Variants in FSTL5 observed in about 807,000 individuals in gnomAD.
FSTL5 encodes the protein follistatin like 5, also known as follistatin-related protein 5.
Under a neutral mutation model 89.1 loss-of-function variants are expected in FSTL5, and 62 were observed. That is an observed-to-expected ratio of 0.70 (90% CI 0.57 to 0.86). The LOEUF (loss-of-function observed/expected upper bound fraction) is 0.86. Ranked by LOEUF, FSTL5 falls within the 40% of genes least tolerant of loss-of-function variation. The pLI is 0.00. For missense variants in FSTL5, 1,057 were observed against 1,001.6 expected, an observed-to-expected ratio of 1.06 and a Z score of -0.75; for synonymous variants, 383 against 346.2, an observed-to-expected ratio of 1.11 and a Z score of -1.18.
chr4:161,675,222 A>T (rs1737261415), intron 6 of FSTL5, among the ~76,000 whole-genome samples: 1 of 145,826 alleles, frequency 6.9e-6, no homozygotes, highest in Middle Eastern at 3.4e-3. Context: ...AAACTATGTG[A>T]CAACATATTT....
intron 7 of FSTL5, among the ~76,000 whole-genome samples, chr4:161,611,565 A>T (rs1278932793): frequency 1.3e-5 from 2 of 152,110 alleles, no homozygotes; most frequent in Admixed American, 1.3e-4. Context: ...ATTTGGGAAT[A>T]AACACTATTC....
chr4:161,932,194 T>C (rs1042566857), intron 3 of FSTL5, among the ~76,000 whole-genome samples: 2 of 151,984 alleles, frequency 1.3e-5, no homozygotes, highest in African/African-American at 4.8e-5. Context: ...ATTTAGTATA[T>C]TAATGTCACT....
At chr4:161,425,351 G>A (rs1024760419) in intron 15 of FSTL5, among the ~76,000 whole-genome samples, 3 of 152,222 alleles carry the variant, frequency 2.0e-5, no homozygotes, top group South Asian at 2.1e-4. Flanking sequence ...TAGCCATATC[G>A]AGGTATGTTA....
chr4:161,850,004 T>C (rs1369043972), intron 4 of FSTL5, among the ~76,000 whole-genome samples: 24 of 152,196 alleles, frequency 1.6e-4, no homozygotes, highest in Non-Finnish European at 3.4e-4. Context: ...TAAAATGGAA[T>C]TGCTTGATGT....
At chr4:161,527,116 A>C (rs1289004048) in intron 10 of FSTL5, among the ~76,000 whole-genome samples, 1 of 151,958 alleles carries the variant, frequency 6.6e-6, no homozygotes. Flanking sequence ...CTTTTATTTC[A>C]TTGAGCAGTG....
chr4:161,568,775 G>C (rs891178138), intron 8 of FSTL5, among the ~76,000 whole-genome samples: 2 of 152,068 alleles, frequency 1.3e-5, no homozygotes, highest in African/African-American at 4.8e-5. Context: ...TTTTTTTGTT[G>C]TTGTTGTTTA....
chr4:161,985,232 T>C (rs1410616937), intron 3 of FSTL5, among the ~76,000 whole-genome samples: 1 of 152,166 alleles, frequency 6.6e-6, no homozygotes, highest in African/African-American at 2.4e-5. Flanking sequence ...GGTTGTTTTA[T>C]ATCTCATTAT....
At chr4:161,763,673 G>A (rs1331979989) in intron 5 of FSTL5, among the ~76,000 whole-genome samples, 1 of 152,106 alleles carries the variant, frequency 6.6e-6, no homozygotes, top group East Asian at 1.9e-4. Flanking sequence ...AGTTATTTGA[G>A]TTCTTCTCCA....
intron 3 of FSTL5, among the ~76,000 whole-genome samples, chr4:161,951,247 C>A (rs763661534): frequency 6.6e-6 from 1 of 152,048 alleles, no homozygotes; most frequent in African/African-American, 2.4e-5. Context: ...TGATAAATTA[C>A]CCAGTCTTGG....
chr4:161,908,967 C>T lies in FSTL5; in HGVS notation c.409+11437G>A, dbSNP rs368758072. ...ATTGTCCTATGCCTACTTCAGTGACCGCTCATTGACCGGAAATGGAAAACT... is the reference window on the plus strand; with the variant it reads ...ATTGTCCTATGCCTACTTCAGTGACTGCTCATTGACCGGAAATGGAAAACT... On this transcript the variant is annotated intron_variant, in intron 4 of 15. Transcript: ENST00000306100. Among the ~76,000 whole-genome samples the T allele has an allele frequency of 1.6e-4, 25 of 152,088 alleles. No homozygotes were observed. The South Asian group carries it at 2.7e-3, about 16-fold the overall frequency.
chr4:162,009,894 C>A (rs560889413), intron 3 of FSTL5, among the ~76,000 whole-genome samples: 150 of 151,472 alleles, frequency 9.9e-4, no homozygotes, highest in Non-Finnish European at 1.7e-3. Flanking sequence ...ATATAGCATG[C>A]AATTGTTGCT....
chr4:161,769,872 T>C (rs1351850241), intron 5 of FSTL5, among the ~76,000 whole-genome samples: 1 of 151,728 alleles, frequency 6.6e-6, no homozygotes, highest in Non-Finnish European at 1.5e-5. Context: ...TACTGTTGTT[T>C]GCAGGTGATA....
chr4:161,516,252 T>C (rs1423820554), intron 10 of FSTL5, among the ~76,000 whole-genome samples: 2 of 149,210 alleles, frequency 1.3e-5, no homozygotes, highest in African/African-American at 4.9e-5. Context: ...ATATATATTT[T>C]ACATTTTTAA....
At chr4:161,460,916 C>T (rs752879110) in intron 13 of FSTL5, among the ~76,000 whole-genome samples, 4 of 151,070 alleles carry the variant, frequency 2.6e-5, no homozygotes, top group African/African-American at 7.4e-5. Flanking sequence ...CCAGCCTCTT[C>T]AGAGGCTTAA....
rs905326707 is a variant in FSTL5, at chr4:161,615,379, T to C, written c.895-27804A>G. 2.7e-4 allele frequency among the ~76,000 whole-genome samples: 36 copies of C among 130,980 alleles called. 1 individual carries two copies. Among genetic ancestry groups the C allele is most frequent in the African/African-American group, 1.1e-3 (36 of 33,766 alleles). 85.9% of individuals were successfully genotyped at this position (130,980 alleles called of 152,430 possible). On this transcript the variant is annotated intron_variant, in intron 7 of 15. Coordinates refer to ENST00000306100, the MANE Select transcript of FSTL5 (RefSeq NM_020116.5). Reference sequence around the variant, plus strand: ...TACTTGGGAGGCTGAGGCAGCAGAATGGCATGAACCAGGGAGGCGGAGCTT... The same window carrying C: ...TACTTGGGAGGCTGAGGCAGCAGAACGGCATGAACCAGGGAGGCGGAGCTT...
In FSTL5 at chr4:162,155,974, AT is replaced by A. The variant is rs1431820339; in HGVS notation, c.-17+7640del. Among the ~76,000 whole-genome samples the A allele has an allele frequency of 2.0e-5, 3 of 152,212 alleles. No individual in the cohort carries two copies. The East Asian group carries it at 5.8e-4, about 29-fold the overall frequency. ...TGAACACAGTGGCATTTTAAAGCAT[AT>A]TTTAATCAAGAGAAATCCAGAGAAG... On this transcript the variant is annotated intron_variant, in intron 1 of 15. Coordinates refer to ENST00000306100, the MANE Select transcript of FSTL5 (RefSeq NM_020116.5).
At chr4:161,935,087 G>A (rs1734395333) in intron 3 of FSTL5, among the ~76,000 whole-genome samples, 1 of 151,940 alleles carries the variant, frequency 6.6e-6, no homozygotes, top group Non-Finnish European at 1.5e-5. Flanking sequence ...ATATATTTTA[G>A]GCAATTTCCT....
At chr4:162,063,419 C>T (rs1738785615) in intron 2 of FSTL5, among the ~76,000 whole-genome samples, 1 of 151,784 alleles carries the variant, frequency 6.6e-6, no homozygotes, top group African/African-American at 2.4e-5. Flanking sequence ...TTAATCACTT[C>T]CTAAGTTTTA....
At chr4:162,040,374 T>G (rs879709409) in intron 2 of FSTL5, among the ~76,000 whole-genome samples, 5 of 152,028 alleles carry the variant, frequency 3.3e-5, no homozygotes, top group Non-Finnish European at 5.9e-5. Flanking sequence ...CACAACAAAT[T>G]TATTCTGTGT....
Sources: allele counts gnomAD v4.1 joint callset (sites outside exome capture counted in the v4.1 genomes callset), GRCh38; gene constraint gnomAD v4.1.1; transcripts MANE v1.5; gene names NCBI Gene and HGNC (gene_info 2026-07-23, HGNC 2026-07-21).